Variants in TCF7L2 observed in about 807,000 individuals in gnomAD.
The protein encoded by TCF7L2 is transcription factor 7-like 2.
Under a neutral mutation model 77.9 loss-of-function variants are expected in TCF7L2, and 23 were observed. The ratio of observed to expected loss-of-function variants is 0.30; its 90% confidence interval spans 0.21 to 0.42. The LOEUF (loss-of-function observed/expected upper bound fraction) is 0.42, where lower values mean the gene tolerates loss of function less well. Among genes scored for constraint, TCF7L2 ranks in the 10% least tolerant of loss-of-function variants. The pLI, the probability that TCF7L2 is intolerant of heterozygous loss-of-function variation, is 1.00. For synonymous variants in TCF7L2, 413 were observed against 340.2 expected, an observed-to-expected ratio of 1.21 and a Z score of -2.36; for missense variants, 654 against 793.1, an observed-to-expected ratio of 0.82 and a Z score of 2.11.
intron 12 of TCF7L2, among the ~76,000 whole-genome samples, 165 bp downstream of exon 12, chr10:113,158,234 T>C (rs1216767748): frequency 6.6e-6 from 1 of 152,264 alleles, no homozygotes; most frequent in Admixed American, 6.5e-5. Flanking sequence ...AATTGCTTCA[T>C]GACTGCCCTT....
At chr10:112,986,071 C>CT (rs1249938633) in intron 4 of TCF7L2, among the ~76,000 whole-genome samples, 1 of 151,916 alleles carries the variant, frequency 6.6e-6, no homozygotes, top group African/African-American at 2.4e-5. Context: ...TGCACCCCCG[C>CT]TCCCACCTTT....
chr10:113,004,907 C>T (rs1220651858), intron 4 of TCF7L2, among the ~76,000 whole-genome samples: 1 of 152,092 alleles, frequency 6.6e-6, no homozygotes, highest in Non-Finnish European at 1.5e-5. Context: ...CTCCCGACCT[C>T]AGGCAATCCG....
intron 4 of TCF7L2, among the ~76,000 whole-genome samples, chr10:112,990,122 C>T (rs1564751658): frequency 6.6e-6 from 1 of 152,166 alleles, no homozygotes; most frequent in African/African-American, 2.4e-5. Context: ...CCTCTCAGGA[C>T]TCCTGCACGT....
chr10:113,118,662 TTG>T (rs1252354461), intron 5 of TCF7L2, among the ~76,000 whole-genome samples: 722 of 21,072 alleles, frequency 0.034, 3 homozygotes, highest in African/African-American at 0.21. Flanking sequence ...TTGTTTTTTT[TTG>T]TTTTTTTTTT....
intron 11 of TCF7L2, among the ~76,000 whole-genome samples, chr10:113,156,780 C>G (rs1191469680): frequency 6.6e-6 from 1 of 152,240 alleles, no homozygotes; most frequent in Non-Finnish European, 1.5e-5. Context: ...GGCAGCAGAG[C>G]CTTGTGGTTG....
At chr10:113,089,603 A>G in intron 5 of TCF7L2, 1 of 1,583,448 alleles carries the variant, frequency 6.3e-7, no homozygotes, top group East Asian at 2.2e-5. Context: ...CCGCCCACCC[A>G]AAGTTTACCT....
chr10:113,015,782 C>G (rs1194367419), intron 4 of TCF7L2, among the ~76,000 whole-genome samples: 1 of 152,102 alleles, frequency 6.6e-6, no homozygotes, highest in Non-Finnish European at 1.5e-5. Flanking sequence ...AGCCACTGTG[C>G]CTGTGCTCAA....
chr10:113,094,482 C>T (rs2060730434), intron 5 of TCF7L2, among the ~76,000 whole-genome samples: 1 of 152,162 alleles, frequency 6.6e-6, no homozygotes, highest in Non-Finnish European at 1.5e-5. Context: ...TTAGAACTCT[C>T]TACATTATAA....
intron 5 of TCF7L2, among the ~76,000 whole-genome samples, chr10:113,121,374 A>G (rs1013751300): frequency 3.9e-5 from 6 of 152,154 alleles, no homozygotes; most frequent in African/African-American, 1.2e-4. Flanking sequence ...CTGTTGATCA[A>G]TCCTCTCGAC....
At chr10:113,006,866 G>C (rs139255450) in intron 4 of TCF7L2, among the ~76,000 whole-genome samples, 2 of 152,250 alleles carry the variant, frequency 1.3e-5, no homozygotes, top group East Asian at 3.9e-4. Context: ...TCACCCCTCC[G>C]GCCACGCTGG....
chr10:113,008,849 A>G (rs2045995193), intron 4 of TCF7L2, among the ~76,000 whole-genome samples: 1 of 152,044 alleles, frequency 6.6e-6, no homozygotes, highest in Admixed American at 6.5e-5. Context: ...TTCTGTTCCT[A>G]AGCTCAGGGA....
intron 5 of TCF7L2, among the ~76,000 whole-genome samples, chr10:113,115,689 T>G (rs2063634709): frequency 6.6e-6 from 1 of 152,160 alleles, no homozygotes; most frequent in Admixed American, 6.5e-5. Flanking sequence ...GGTTTTTCTT[T>G]GTAAATAATA....
intron 11 of TCF7L2, among the ~76,000 whole-genome samples, chr10:113,157,242 C>G (rs767090975): frequency 2.6e-5 from 4 of 152,230 alleles, no homozygotes; most frequent in African/African-American, 4.8e-5. Flanking sequence ...CCTCGGCCTC[C>G]CGAGTAGCTG....
rs1490288264 is a variant in TCF7L2, at chr10:113,148,004, A to G, written c.875+1907A>G. Among the ~76,000 whole-genome samples, 5 of 152,204 alleles carry G rather than the reference A, an allele frequency of 3.3e-5. No homozygotes were observed. In the East Asian group the frequency reaches 7.7e-4, roughly 23 times the overall value. ...GCAAATTAAATACATTATTGTGATA[A>G]TGGGGCGACAGAAGTATAGGTCTAT... is the stretch of plus-strand genomic sequence containing the variant. On this transcript the variant is annotated intron_variant, in intron 8 of 13. Coordinates refer to ENST00000627217, the MANE Select transcript of TCF7L2 (RefSeq NM_001146274.2).
At chr10:113,013,870 T>C (rs962390824) in intron 4 of TCF7L2, among the ~76,000 whole-genome samples, 12 of 152,360 alleles carry the variant, frequency 7.9e-5, no homozygotes, top group African/African-American at 2.4e-4. Context: ...CATGACTCTT[T>C]TTTGGCTATT....
chr10:113,019,648 G>C (rs186325311), intron 4 of TCF7L2, among the ~76,000 whole-genome samples: 11 of 150,782 alleles, frequency 7.3e-5, no homozygotes, highest in African/African-American at 2.7e-4. Flanking sequence ...ATAATGTTTA[G>C]AGACAAAAAA....
At chr10:113,104,468 A>G (rs1021964348) in intron 5 of TCF7L2, among the ~76,000 whole-genome samples, 2 of 152,106 alleles carry the variant, frequency 1.3e-5, no homozygotes, top group Admixed American at 1.3e-4. Flanking sequence ...GCACTGGGGG[A>G]AAAGTCTTAG....
At chr10:113,098,464 T>G (rs1261769352) in intron 5 of TCF7L2, among the ~76,000 whole-genome samples, 1 of 152,132 alleles carries the variant, frequency 6.6e-6, no homozygotes, top group African/African-American at 2.4e-5. Flanking sequence ...CCCAGCACTT[T>G]GGGAGGCCGA....
intron 4 of TCF7L2, among the ~76,000 whole-genome samples, chr10:112,998,101 CTT>C (rs751249543): frequency 5.0e-5 from 7 of 140,094 alleles, no homozygotes; most frequent in Admixed American, 7.2e-5. Context: ...TCTGGTCCTA[CTT>C]TTTTTTTTTT....
Sources: allele counts gnomAD v4.1 joint callset (sites outside exome capture counted in the v4.1 genomes callset), GRCh38; gene constraint gnomAD v4.1.1; transcripts MANE v1.5; gene names NCBI Gene and HGNC (gene_info 2026-07-23, HGNC 2026-07-21).